LPP: variants seen among roughly 807,000 people sequenced by gnomAD.
LPP encodes lipoma-preferred partner.
Under a neutral mutation model 60.4 loss-of-function variants are expected in LPP, and 38 were observed. That is an observed-to-expected ratio of 0.63 (90% confidence interval 0.49 to 0.83). The LOEUF is 0.83. Among genes scored for constraint, LPP ranks in the 40% least tolerant of loss-of-function variants. The pLI, the probability that LPP is intolerant of heterozygous loss-of-function variation, is 0.00. For synonymous variants in LPP, 328 were observed against 290.8 expected (o/e 1.13, Z -1.30); for missense variants, 902 against 783.6 (o/e 1.15, Z -1.80).
At chr3:188,235,409 G>A (rs1184804557) in intron 2 of LPP, among the ~76,000 whole-genome samples, 1 of 152,192 alleles carries the variant, frequency 6.6e-6, no homozygotes, top group Non-Finnish European at 1.5e-5. Flanking sequence ...AGGTGGGGTT[G>A]ATGCAGTTAG....
At chr3:188,615,255 T>G (rs1214227682) in intron 7 of LPP, among the ~76,000 whole-genome samples, 1 of 152,176 alleles carries the variant, frequency 6.6e-6, no homozygotes, top group Non-Finnish European at 1.5e-5. Flanking sequence ...TTTAGTTAAT[T>G]CTCACCTCTA....
rs776399937 is a variant in LPP, at chr3:188,217,955, A to G, written c.-189-7450A>G. Among the ~76,000 whole-genome samples the G allele has an allele frequency of 2.0e-5, 3 of 152,184 alleles. No individual in the cohort carries two copies. The highest frequency in any genetic ancestry group is 4.4e-5 in the Non-Finnish European group (3 of 68,026). ...CTCTCCCTGGGTATTTTTGTAAAAC[A>G]TTCTTTCCCACCAAGAATGAGGAAC... On this transcript the variant is annotated intron_variant, in intron 1 of 11. Transcript: ENST00000617246. The surrounding 1 kb of genome is among the most constrained non-coding windows in gnomAD (Gnocchi z 4.0).
At position 188,368,921 on chromosome 3, in the gene LPP, G is replaced by T. The variant is rs185841326; in HGVS notation, c.-10+27202G>T. Among the ~76,000 whole-genome samples, 532 of 152,162 alleles carry T rather than the reference G, an allele frequency of 3.5e-3. 9 individuals carry two copies. Among genetic ancestry groups the T allele is most frequent in the African/African-American group, 0.013 (520 of 41,516 alleles). ...GGAAGAGGTGTGTGTGAAAGAGAGG[G>T]TCACCCGCCACATTTTATCTCTCTG... On this transcript the variant is annotated intron_variant, in intron 3 of 11. Coordinates refer to ENST00000617246, the MANE Select transcript of LPP (RefSeq NM_001375462.1).
Position 188,236,763 on chromosome 3 carries a change from G to C in LPP, c.-67+11236G>C, listed in dbSNP as rs1722064281. Among the ~76,000 whole-genome samples the C allele has an allele frequency of 2.0e-5, 3 of 152,162 alleles. No individual in the cohort carries two copies. The South Asian group carries it at 6.2e-4, about 32-fold the overall frequency. ...TGCTAAAATATGCTAGCAATTATCT[G>C]AACTTTCAGTGAGTCCTGCTTTTGC... On this transcript the variant is annotated intron_variant, in intron 2 of 11. Coordinates refer to ENST00000617246, the MANE Select transcript of LPP (RefSeq NM_001375462.1).
chr3:188,389,742 C>T (rs1578541510), intron 3 of LPP, among the ~76,000 whole-genome samples: 1 of 119,678 alleles, frequency 8.4e-6, no homozygotes, highest in African/African-American at 3.2e-5. Context: ...TGCCACTGTA[C>T]TCTAGTCTGG....
At chr3:188,670,688 T>C (rs1027210754) in intron 7 of LPP, among the ~76,000 whole-genome samples, 1 of 152,196 alleles carries the variant, frequency 6.6e-6, no homozygotes, top group Non-Finnish European at 1.5e-5. Context: ...ATTAAACTCA[T>C]GTGGTTGGTG....
intron 8 of LPP, among the ~76,000 whole-genome samples, chr3:188,720,209 C>T (rs932559282): frequency 3.3e-5 from 5 of 152,168 alleles, no homozygotes; most frequent in African/African-American, 4.8e-5. Flanking sequence ...CTGCACCTGG[C>T]CCTGTTGTAT....
intron 7 of LPP, among the ~76,000 whole-genome samples, chr3:188,663,656 TC>T (rs1855102933): frequency 6.6e-6 from 1 of 152,224 alleles, no homozygotes; most frequent in Non-Finnish European, 1.5e-5. Context: ...AAGGATTTTT[TC>T]AGGACTGTAA....
intron 5 of LPP, among the ~76,000 whole-genome samples, chr3:188,490,380 T>C (rs1429448161): frequency 2.0e-5 from 3 of 152,216 alleles, no homozygotes; most frequent in Admixed American, 6.5e-5. Context: ...ATGTGTATGA[T>C]GAATAGTGGC....
chr3:188,502,998 A>G (rs1013534789), intron 5 of LPP, among the ~76,000 whole-genome samples: 4 of 152,088 alleles, frequency 2.6e-5, no homozygotes, highest in African/African-American at 9.6e-5. Flanking sequence ...AATTTATAAG[A>G]TTATAAAACC....
At chr3:188,551,739 C>T (rs1032124341) in intron 6 of LPP, among the ~76,000 whole-genome samples, 5 of 152,084 alleles carry the variant, frequency 3.3e-5, no homozygotes, top group African/African-American at 7.2e-5. Flanking sequence ...CAGCTACTGA[C>T]GAGTCACTTT....
At chr3:188,385,402 G>C (rs537226725) in intron 3 of LPP, among the ~76,000 whole-genome samples, 21 of 152,250 alleles carry the variant, frequency 1.4e-4, no homozygotes, top group African/African-American at 5.1e-4. Context: ...AGCTGAGAGG[G>C]GAAGGGCCCT....
intron 2 of LPP, among the ~76,000 whole-genome samples, chr3:188,307,254 GC>G (rs1411127934): frequency 6.6e-6 from 1 of 152,138 alleles, no homozygotes; most frequent in Non-Finnish European, 1.5e-5. Context: ...TGAAACCAAA[GC>G]CTGTTCTCTT....
intron 8 of LPP, among the ~76,000 whole-genome samples, chr3:188,732,100 T>TAA (rs1323792828): frequency 6.6e-6 from 1 of 152,196 alleles, no homozygotes; most frequent in Non-Finnish European, 1.5e-5. Context: ...GGTCAGAAGT[T>TAA]ACAGTAGAAA....
intron 2 of LPP, among the ~76,000 whole-genome samples, chr3:188,339,891 G>T (rs1762594561): frequency 6.6e-6 from 1 of 152,148 alleles, no homozygotes; most frequent in African/African-American, 2.4e-5. Flanking sequence ...AGTGTTTATG[G>T]TAACACTGCA....
intron 9 of LPP, among the ~76,000 whole-genome samples, chr3:188,769,130 A>G (rs889978814): frequency 1.4e-4 from 21 of 152,244 alleles, no homozygotes; most frequent in African/African-American, 4.1e-4. Flanking sequence ...GTAAAACTTT[A>G]AAACGTATAA....
chr3:188,780,392 C>T (rs1022938893), intron 9 of LPP, among the ~76,000 whole-genome samples: 2 of 152,168 alleles, frequency 1.3e-5, no homozygotes, highest in East Asian at 3.8e-4. Flanking sequence ...CCTTTAAGGG[C>T]TTCCCATCAA....
At chr3:188,267,900 C>G (rs1190689872) in intron 2 of LPP, among the ~76,000 whole-genome samples, 1 of 152,008 alleles carries the variant, frequency 6.6e-6, no homozygotes, top group Non-Finnish European at 1.5e-5. Context: ...GCCAGCACTT[C>G]GTTCTTACAC....
At chr3:188,205,079 G>A (rs970137157) in intron 1 of LPP, among the ~76,000 whole-genome samples, 1 of 152,058 alleles carries the variant, frequency 6.6e-6, no homozygotes, top group Non-Finnish European at 1.5e-5. Flanking sequence ...TGAGTATCTA[G>A]AAACATTTAT....
Sources: gnomAD v4.1 joint callset for allele counts (sites outside exome capture counted in the v4.1 genomes callset) on GRCh38, gnomAD v4.1.1 for gene constraint, Gnocchi (gnomAD v3.1) non-coding constraint, MANE v1.5 for transcripts, NCBI Gene and HGNC (gene_info 2026-07-23, HGNC 2026-07-21) for gene names.